The following TBPL1 variants were observed in gnomAD, a reference collection of about 807,000 sequenced individuals.
TBPL1 encodes TATA-box binding protein like 1.
TBPL1 carries 4 observed loss-of-function variants against 22.1 expected under a neutral mutation model. That is an observed-to-expected ratio of 0.18 (90% CI 0.09 to 0.41). The LOEUF (loss-of-function observed/expected upper bound fraction) is 0.41. TBPL1 is among the 10% of genes least tolerant of loss of function. TBPL1 has a pLI of 1.00. For synonymous variants in TBPL1, 64 were observed against 71.0 expected (o/e 0.90, Z 0.50); for missense variants, 115 against 222.3 (o/e 0.52, Z 3.07).
At chr6:133,966,922 C>G (rs1002799861) in intron 1 of TBPL1, among the ~76,000 whole-genome samples, 1 of 152,186 alleles carries the variant, frequency 6.6e-6, no homozygotes, top group African/African-American at 2.4e-5. Flanking sequence ...GGTGGTGATA[C>G]ATTTTTATAA....
rs59102121 is a variant in TBPL1, at chr6:133,987,648, G to GTATATATATATATATATATA, written c.*627_*628insATATATATATATATATATAT. On this transcript the variant is annotated 3_prime_UTR_variant, in exon 7 of 7. Coordinates refer to ENST00000237264, the MANE Select transcript of TBPL1 (RefSeq NM_004865.4). ...TTTGTGTGTGTGTGTGTGTGTGTGT[G>GTATATATATATATATATATA]TATATATATATATATATATGCACCA... 48 of 88,380 alleles carry GTATATATATATATATATATA rather than the reference G, an allele frequency of 5.4e-4. No individual in the cohort carries two copies. The highest frequency in any genetic ancestry group is 1.7e-3 in the African/African-American group (46 of 27,568). The allele number at this position is 88,380 out of a possible 1,614,324, so 5.5% of individuals were successfully genotyped here. A position where few individuals can be genotyped will look rare whatever the true frequency, so the allele number is the denominator to read the frequency against.
chr6:133,969,320 T>TA (rs1469395726), intron 1 of TBPL1, among the ~76,000 whole-genome samples: 2 of 150,358 alleles, frequency 1.3e-5, no homozygotes, highest in African/African-American at 4.9e-5. Context: ...TAATTTCCAT[T>TA]AAAAAATAGT....
chr6:133,952,493 G>C (rs1775849456), upstream of TBPL1: 1 of 152,298 alleles, frequency 6.6e-6, no homozygotes, highest in African/African-American at 2.4e-5. This position sits in a 1 kb window ranked among gnomAD's most constrained non-coding sequence, Gnocchi z 4.5. Flanking sequence ...GGCGACAGAA[G>C]TGGCATACGG....
chr6:133,974,536 T>G (rs559526593), intron 1 of TBPL1, among the ~76,000 whole-genome samples: 1 of 152,278 alleles, frequency 6.6e-6, no homozygotes, highest in South Asian at 2.1e-4. Context: ...ACCGTGTTGG[T>G]CAGGCTGGTC....
chr6:133,956,202 A>G (rs1775923398), intron 1 of TBPL1, among the ~76,000 whole-genome samples: 1 of 152,222 alleles, frequency 6.6e-6, no homozygotes, highest in South Asian at 2.1e-4. Context: ...AGAAGAATTT[A>G]TAGTAGAATG....
intron 6 of TBPL1, among the ~76,000 whole-genome samples, chr6:133,986,211 G>A (rs1007321392): frequency 3.9e-5 from 6 of 152,132 alleles, no homozygotes; most frequent in African/African-American, 1.4e-4. Context: ...ACAGTGGGTG[G>A]ATTTGTTAGT....
intron 1 of TBPL1, among the ~76,000 whole-genome samples, chr6:133,955,702 G>A (rs1024576966): frequency 1.3e-5 from 2 of 152,176 alleles, no homozygotes; most frequent in Non-Finnish European, 2.9e-5. Flanking sequence ...TGGTAATACT[G>A]TAATTGTAGA....
rs201020663 is a variant in TBPL1 at position 133,979,543 on chromosome 6, C to CTT, written c.-44-535_-44-534dup. On this transcript the variant is annotated intron_variant, in intron 1 of 6. Coordinates refer to ENST00000237264, the MANE Select transcript of TBPL1 (RefSeq NM_004865.4). ...GCAAGCTCCTGTCAAGTAAAAGTTA[C>CTT]TTTTTAGTTTAAGGAATGAAAGTTA... is the stretch of plus-strand genomic sequence containing the variant. 8.4e-3 allele frequency among the ~76,000 whole-genome samples: 1,282 copies of CTT among 152,174 alleles called. 38 individuals are homozygous for CTT. The highest frequency in any genetic ancestry group is 0.062 in the Admixed American group (947 of 15,282).
intron 1 of TBPL1, 75 bp downstream of exon 1, chr6:133,953,500 G>C (rs1225650636): frequency 6.5e-6 from 1 of 152,894 alleles, no homozygotes; most frequent in Non-Finnish European, 1.5e-5. Flanking sequence ...CGGGGCGTCT[G>C]GGCGCGGGGT....
chr6:133,984,233 A>G (rs1300464817), intron 4 of TBPL1, 143 bp from the exon 5 acceptor site: 1 of 582,092 alleles, frequency 1.7e-6, no homozygotes, highest in Non-Finnish European at 3.0e-6. Flanking sequence ...TTTCCATGCT[A>G]CACAACTTAC....
chr6:133,985,300 ATATATAT>A (rs1562668624), intron 6 of TBPL1, among the ~76,000 whole-genome samples: 1,182 of 35,700 alleles, frequency 0.033, 271 homozygotes, highest in African/African-American at 0.1. Context: ...AAAAAAAAAT[ATATATAT>A]ATATATATAT....
At chr6:133,954,462 C>T (rs1775893235) in intron 1 of TBPL1, among the ~76,000 whole-genome samples, 1 of 152,236 alleles carries the variant, frequency 6.6e-6, no homozygotes, top group South Asian at 2.1e-4. Flanking sequence ...ACTGTTAGCA[C>T]TATCTGGTTG....
At chr6:133,960,307 G>A (rs72982264) in intron 1 of TBPL1, among the ~76,000 whole-genome samples, 2 of 152,122 alleles carry the variant, frequency 1.3e-5, no homozygotes, top group African/African-American at 2.4e-5. Flanking sequence ...TTGTACTGAG[G>A]GGGGAGGCCC....
At chr6:133,985,874 C>T (rs1253949414) in intron 6 of TBPL1, 1 of 152,092 alleles carries the variant, frequency 6.6e-6, no homozygotes, top group Admixed American at 6.6e-5. Context: ...TGTTTGTTCC[C>T]TTCTTTCAGC....
intron 1 of TBPL1, among the ~76,000 whole-genome samples, chr6:133,962,162 G>A (rs547848873): frequency 6.6e-6 from 1 of 152,284 alleles, no homozygotes; most frequent in East Asian, 1.9e-4. Flanking sequence ...GGAAGATTAG[G>A]TTATATAAGG....
Position 133,975,690 on chromosome 6 carries a change from A to G in TBPL1, c.-44-4392A>G, listed in dbSNP as rs182824871. Among the ~76,000 whole-genome samples, 451 of 152,294 alleles carry G rather than the reference A, an allele frequency of 3.0e-3. 1 individual carries two copies. Among genetic ancestry groups the G allele is most frequent in the Non-Finnish European group, 3.9e-3 (266 of 68,016 alleles). On this transcript the variant is annotated intron_variant, in intron 1 of 6. Transcript: ENST00000237264. Reference sequence around the variant, plus strand: ...AATAATCTTTTAAAAATCAAGAATTAATTGGATTTAGGAATATAACACTGT... The same window carrying G: ...AATAATCTTTTAAAAATCAAGAATTGATTGGATTTAGGAATATAACACTGT...
chr6:133,984,362 C>A lies in TBPL1; in HGVS notation c.283-14C>A, dbSNP rs1776470305. ...TTCAAAATAAATTTATTGAATTTTA[C>A]TTCTCTCCTAAAGGTAATATTTACA... On this transcript the variant is annotated splice_polypyrimidine_tract_variant and intron_variant, in intron 4 of 6. Transcript: ENST00000237264. The A allele has an allele frequency of 6.4e-7, 1 of 1,558,776 alleles. No homozygotes were observed. Among genetic ancestry groups the A allele is most frequent in the East Asian group, 2.3e-5 (1 of 44,206 alleles).
intron 1 of TBPL1, among the ~76,000 whole-genome samples, chr6:133,965,849 C>T (rs1007369925): frequency 1.3e-5 from 2 of 152,168 alleles, no homozygotes; most frequent in Non-Finnish European, 2.9e-5. Context: ...ACAATAAGAA[C>T]AGCTACATTT....
At chr6:133,974,748 G>C (rs1249638939) in intron 1 of TBPL1, among the ~76,000 whole-genome samples, 2 of 152,218 alleles carry the variant, frequency 1.3e-5, no homozygotes, top group Admixed American at 6.5e-5. Context: ...CAGACTGTAA[G>C]AGAACACAGA....
Sources: gnomAD v4.1 joint callset for allele counts (sites outside exome capture counted in the v4.1 genomes callset) on GRCh38, gnomAD v4.1.1 for gene constraint, Gnocchi (gnomAD v3.1) non-coding constraint, MANE v1.5 for transcripts, NCBI Gene and HGNC (gene_info 2026-07-23, HGNC 2026-07-21) for gene names.